SIPA1L2: variants seen among roughly 807,000 people sequenced by gnomAD.
SIPA1L2 encodes the protein signal-induced proliferation-associated 1-like protein 2.
A neutral mutation model predicts 163.9 loss-of-function variants in SIPA1L2; 56 were observed. The ratio of observed to expected loss-of-function variants is 0.34; its 90% CI spans 0.28 to 0.43. The LOEUF (loss-of-function observed/expected upper bound fraction) is 0.43, where lower values mean the gene tolerates loss of function less well. Among genes scored for constraint, SIPA1L2 ranks in the 20% least tolerant of loss-of-function variants. The pLI is 1.00. For missense variants in SIPA1L2, 1,974 were observed against 2,193.5 expected (o/e 0.90, Z 2.00); for synonymous variants, 877 against 865.7 (o/e 1.01, Z -0.23).
rs996403196 is a variant in SIPA1L2, at chr1:232,485,078, G to A, written c.1807-1112C>T. 1.8e-4 allele frequency among the ~76,000 whole-genome samples: 27 copies of A among 152,200 alleles called. 1 individual carries two copies. The highest frequency in any genetic ancestry group is 4.4e-5 in the Non-Finnish European group (3 of 68,040). On this transcript the variant is annotated intron_variant, in intron 5 of 22. Transcript: ENST00000674635. ...AACGTCTGCCTGGGTGACCTCAGCAGACATCAGGAAACATTTACCACATGC... is the reference window on the plus strand; with the variant it reads ...AACGTCTGCCTGGGTGACCTCAGCAAACATCAGGAAACATTTACCACATGC...
chr1:232,430,696 C>T (rs1250291008), intron 16 of SIPA1L2, among the ~76,000 whole-genome samples: 1 of 152,212 alleles, frequency 6.6e-6, no homozygotes, highest in Non-Finnish European at 1.5e-5. Context: ...GGCACACTGA[C>T]CAGGAGCCCT....
At chr1:232,414,665 C>T (rs2102776478) in intron 19 of SIPA1L2, among the ~76,000 whole-genome samples, 1 of 152,278 alleles carries the variant, frequency 6.6e-6, no homozygotes, top group African/African-American at 2.4e-5. Context: ...CTAAAATGAT[C>T]CTGCCTCCTT....
At chr1:232,602,634 CAGA>C (rs1362906509) in intron 1 of SIPA1L2, among the ~76,000 whole-genome samples, 4 of 147,074 alleles carry the variant, frequency 2.7e-5, no homozygotes, top group African/African-American at 9.8e-5. Context: ...TGGCCACCCT[CAGA>C]AGGTTATTTA....
Position 232,465,461 on chromosome 1 carries a change from CATA to C in SIPA1L2, c.2244-48_2244-46del. On this transcript the variant is annotated intron_variant, in intron 8 of 22. Transcript: ENST00000674635. The surrounding 1 kb of genome is among the most constrained non-coding windows in gnomAD (Gnocchi z 4.1). The stretch of plus-strand genomic sequence containing the variant: ...AACAAAATGAGATGAGCTATGATAC[CATA>C]ATATGTATCTTTCCGAATTTGACAT... The C allele has an allele frequency of 6.6e-7, 1 of 1,507,582 alleles. No homozygotes were observed. The highest frequency in any genetic ancestry group is 9.0e-7 in the Non-Finnish European group (1 of 1,108,188). The allele number at this position is 1,507,582 out of a possible 1,614,324, so 93.4% of individuals were successfully genotyped here.
rs140515846 is a variant in SIPA1L2 at position 232,579,708 on chromosome 1, C to T, written c.-318-5486G>A. ...TGAGCTTCCCTATTCCATGCTATTGCAGGAGCCATGGGAAAACTTCCTCTT... is the reference window on the plus strand; with the variant it reads ...TGAGCTTCCCTATTCCATGCTATTGTAGGAGCCATGGGAAAACTTCCTCTT... On this transcript the variant is annotated intron_variant, in intron 1 of 22. Transcript: ENST00000674635. 6.3e-3 allele frequency among the ~76,000 whole-genome samples: 953 copies of T among 152,324 alleles called. 21 individuals are homozygous for T. Among genetic ancestry groups the T allele is most frequent in the Admixed American group, 0.028 (423 of 15,304 alleles).
intron 10 of SIPA1L2, among the ~76,000 whole-genome samples, chr1:232,457,553 A>C (rs1663993754): frequency 6.6e-6 from 1 of 152,222 alleles, no homozygotes; most frequent in South Asian, 2.1e-4. Flanking sequence ...CGAAGAGTCC[A>C]TCTGAGAAAG....
intron 10 of SIPA1L2, among the ~76,000 whole-genome samples, chr1:232,451,127 G>T (rs979870142): frequency 3.9e-5 from 6 of 152,098 alleles, no homozygotes; most frequent in Non-Finnish European, 8.8e-5. Context: ...TATGACTAAG[G>T]TGCCAAATTA....
At chr1:232,557,497 ACCAGTCTTT>A (rs1217878150) in intron 2 of SIPA1L2, among the ~76,000 whole-genome samples, 1 of 152,200 alleles carries the variant, frequency 6.6e-6, no homozygotes, top group Non-Finnish European at 1.5e-5. Flanking sequence ...AATGACTTCA[ACCAGTCTTT>A]CCATTCCCAG....
intron 1 of SIPA1L2, among the ~76,000 whole-genome samples, chr1:232,583,591 G>A (rs1370855536): frequency 6.6e-6 from 1 of 152,056 alleles, no homozygotes; most frequent in Non-Finnish European, 1.5e-5. Flanking sequence ...TTCAAGACTG[G>A]GGAATTCTAT....
chr1:232,605,901 G>C (rs894822375), intron 1 of SIPA1L2, among the ~76,000 whole-genome samples: 1 of 152,160 alleles, frequency 6.6e-6, no homozygotes, highest in Non-Finnish European at 1.5e-5. Context: ...GCCACAGTCA[G>C]ACACAGTTGC....
chr1:232,545,621 T>C (rs1337562958), intron 2 of SIPA1L2, among the ~76,000 whole-genome samples: 1 of 152,254 alleles, frequency 6.6e-6, no homozygotes, highest in Non-Finnish European at 1.5e-5. Flanking sequence ...TTTACTCTGA[T>C]AAACATAATT....
rs530752328 is a variant in SIPA1L2 at position 232,556,870 on chromosome 1, G to A, written c.-270+17304C>T. 2.6e-5 allele frequency among the ~76,000 whole-genome samples: 4 copies of A among 152,246 alleles called. No individual in the cohort carries two copies. In the South Asian group the frequency reaches 8.3e-4, roughly 32 times the overall value. On this transcript the variant is annotated intron_variant, in intron 2 of 22. Transcript: ENST00000674635. ...AATTTCCCTCTATTTTTTAGATTCA[G>A]ATATCAAAATCTCAAGGATTTTGCA...
At chr1:232,477,988 C>A (rs1171013739) in intron 7 of SIPA1L2, among the ~76,000 whole-genome samples, 1 of 152,146 alleles carries the variant, frequency 6.6e-6, no homozygotes, top group South Asian at 2.1e-4. Flanking sequence ...GCTTGAGTAA[C>A]CCCTATCAGT....
At chr1:232,511,867 A>G (rs972076020) in intron 3 of SIPA1L2, among the ~76,000 whole-genome samples, 5 of 152,160 alleles carry the variant, frequency 3.3e-5, no homozygotes, top group African/African-American at 4.8e-5. Context: ...GAAGCCAAAA[A>G]TGACAAATGG....
Position 232,402,403 on chromosome 1 carries a change from C to A in SIPA1L2, c.5011G>T (p.Asp1671Tyr). 6.2e-7 allele frequency: 1 copy of A among 1,613,238 alleles called. No homozygotes were observed. Among genetic ancestry groups the A allele is most frequent in the South Asian group, 1.1e-5 (1 of 91,002 alleles). Reference protein sequence around the residue: ...LELILRQLQTDLRKEKQDKAV... With the variant: ...LELILRQLQTYLRKEKQDKAV... ...TTCCAATTGATTACCTTCCGAAGGT[C>A]GGTCTGGAGTTGTCGAAGAATTAAT... The change falls in exon 22 of 23, where the codon GAC (aspartate) becomes TAC (tyrosine). Residue 1671 changes from aspartate to tyrosine, a missense_variant. Coordinates refer to ENST00000674635, the MANE Select transcript of SIPA1L2 (RefSeq NM_020808.5).
intron 14 of SIPA1L2, among the ~76,000 whole-genome samples, chr1:232,440,201 T>C (rs1426034843): frequency 2.0e-5 from 3 of 152,050 alleles, no homozygotes; most frequent in East Asian, 3.9e-4. Context: ...AAAAAGCAAA[T>C]AGAATAGAAG....
At chr1:232,572,715 A>G (rs1342054098) in intron 2 of SIPA1L2, among the ~76,000 whole-genome samples, 3 of 78,848 alleles carry the variant, frequency 3.8e-5, no homozygotes, top group Admixed American at 1.5e-4. Flanking sequence ...ATATATATAT[A>G]TACACACATA....
At chr1:232,584,708 A>G (rs895940331) in intron 1 of SIPA1L2, among the ~76,000 whole-genome samples, 1 of 152,228 alleles carries the variant, frequency 6.6e-6, no homozygotes, top group African/African-American at 2.4e-5. Context: ...CTACAAAGGG[A>G]AAGTATCCAT....
At chr1:232,548,360 C>T (rs1455944369) in intron 2 of SIPA1L2, among the ~76,000 whole-genome samples, 13 of 152,180 alleles carry the variant, frequency 8.5e-5, no homozygotes, top group Admixed American at 8.5e-4. Context: ...CTATAAACAA[C>T]CTCATTCGCC....
Sources: allele counts gnomAD v4.1 joint callset (sites outside exome capture counted in the v4.1 genomes callset), GRCh38; gene constraint gnomAD v4.1.1; non-coding constraint Gnocchi (gnomAD v3.1); transcripts MANE v1.5; gene names NCBI Gene and HGNC (gene_info 2026-07-23, HGNC 2026-07-21).